The following MYH7 variants were observed in gnomAD, a reference collection of about 807,000 sequenced individuals.
MYH7 encodes the protein myosin heavy chain 7.
Under a neutral mutation model 225.4 loss-of-function variants are expected in MYH7, and 129 were observed. The observed-to-expected ratio is 0.57, with a 90% CI of 0.50 to 0.66. The LOEUF (loss-of-function observed/expected upper bound fraction) is 0.66. MYH7 is among the 30% of genes least tolerant of loss of function. The pLI is 0.00. For synonymous variants in MYH7, 971 were observed against 1,007.6 expected (o/e 0.96, Z 0.69); for missense variants, 1,649 against 2,517.0 (o/e 0.66, Z 7.38).
chr14:23,431,574 G>C lies in MYH7; in HGVS notation c.732+11C>G. ...GTCCAAGTCCCAAGGCCAAGGTCAG[G>C]GACCACTCACGAAGCGGGAGGAGTT... is the stretch of plus-strand genomic sequence containing the variant. On this transcript the variant is annotated intron_variant, in intron 8 of 39. Coordinates refer to ENST00000355349, the MANE Select transcript of MYH7 (RefSeq NM_000257.4). 1 of 1,614,252 alleles carries C rather than the reference G, an allele frequency of 6.2e-7. No homozygotes were observed. The highest frequency in any genetic ancestry group is 8.5e-7 in the Non-Finnish European group (1 of 1,180,034).
In MYH7 at chr14:23,426,079, C is replaced by A; in HGVS notation, c.2047G>T (p.Val683Leu). The change falls in exon 19 of 40, where the codon GTG becomes TTG. Residue 683 changes from valine (V) to leucine (L), a missense_variant and splice_region_variant. Around this residue, in one of 12 missense-constraint regions of MYH7, gnomAD observed 112 missense variants for 161.9 expected, o/e 0.69. Transcript: ENST00000355349. ...TGCATGACCAGGGGGTTGTCCATCA[C>A]CCCTGTGGCAAGAAGGAAGTAGGAG... ...IIPNETKSPG[V>L]MDNPLVMHQL... 2 of 1,614,172 alleles carry A rather than the reference C, an allele frequency of 1.2e-6. No individual in the cohort carries two copies. The highest frequency in any genetic ancestry group is 2.2e-5 in the East Asian group (1 of 44,892).
chr14:23,431,644 G>A lies in MYH7; in HGVS notation c.673C>T (p.Pro225Ser). ...TLEDQIIQANPALEAFGNAKT... is the reference protein window; with the variant it reads ...TLEDQIIQANSALEAFGNAKT... ...GCATTGCCAAAGGCCTCCAGAGCAG[G>A]GTTGGCCTGGATGATCTGGTCCTCC... Residue 225 changes from proline to serine, a missense_variant, in exon 8 of 40, where the codon CCT (proline) becomes TCT (serine). Pro to Ser is a moderately conservative substitution (Grantham distance 74). Around this residue, in one of 12 missense-constraint regions of MYH7, gnomAD observed 131 missense variants for 231.3 expected, o/e 0.57. Transcript: ENST00000355349. 6.2e-7 allele frequency: 1 copy of A among 1,614,262 alleles called. No homozygotes were observed. Among genetic ancestry groups the A allele is most frequent in the Non-Finnish European group, 8.5e-7 (1 of 1,180,052 alleles).
At position 23,425,023 on chromosome 14, in the gene MYH7, C is replaced by A. The variant is rs397516147; in HGVS notation, c.2425G>T (p.Asp809Tyr). 28 of 1,614,198 alleles carry A rather than the reference C, an allele frequency of 1.7e-5. 1 individual carries two copies. The South Asian group carries it at 3.1e-4, about 18-fold the overall frequency. ...MEYKKLLERR[D>Y]SLLVIQWNIR... ...TTCCACTGGATTACCAGCAGGGAGTCTCTGCAGGGGCCCATTGAAAGGAGT... is the reference window on the plus strand; with the variant it reads ...TTCCACTGGATTACCAGCAGGGAGTATCTGCAGGGGCCCATTGAAAGGAGT... Residue 809 changes from aspartate to tyrosine, a missense_variant and splice_region_variant, in exon 22 of 40, where the codon GAC becomes TAC. Physicochemically the swap from Asp to Tyr is radical, Grantham distance 160 (BLOSUM62 -3). Coordinates refer to ENST00000355349, the MANE Select transcript of MYH7 (RefSeq NM_000257.4). The surrounding 1 kb of genome is among the most constrained non-coding windows in gnomAD (Gnocchi z 4.6).
In MYH7 at chr14:23,425,654, A is replaced by AAG; in HGVS notation, c.2286+39_2286+40dup. 6.2e-7 allele frequency: 1 copy of AAG among 1,613,774 alleles called. No individual in the cohort carries two copies. The highest frequency in any genetic ancestry group is 8.5e-7 in the Non-Finnish European group (1 of 1,179,762). ...AAAAGCATCAGAGGAGTCAATGGAA[A>AAG]AGAGATGTCTTCCTTTAATTAATTA... On this transcript the variant is annotated intron_variant, in intron 20 of 39. Transcript: ENST00000355349. This position sits in a 1 kb window ranked among gnomAD's most constrained non-coding sequence, Gnocchi z 4.6.
intron 17 of MYH7, 133 bp from the exon 18 acceptor site, chr14:23,426,997 G>A: frequency 2.2e-6 from 2 of 894,876 alleles, no homozygotes; most frequent in South Asian, 1.4e-5. Flanking sequence ...GGGCCCTGGG[G>A]GCAGACAGGG....
intron 24 of MYH7, 107 bp from the exon 25 acceptor site, chr14:23,422,432 G>A (rs1200821858): frequency 3.2e-5 from 48 of 1,522,276 alleles, no homozygotes; most frequent in Non-Finnish European, 3.9e-5. Context: ...CAGGACTTGG[G>A]AAACCTTCCC....
At chr14:23,423,829 GGCTA>G in intron 23 of MYH7, 74 bp downstream of exon 23, 1 of 1,613,448 alleles carries the variant, frequency 6.2e-7, no homozygotes, top group South Asian at 1.1e-5. Flanking sequence ...GATGCCGAGT[GGCTA>G]GCCTGGGTCA....
Position 23,430,393 on chromosome 14 carries a change from C to T in MYH7, c.999+167G>A, listed in dbSNP as rs1054886979. ...CCAGATACTGGCCAGTCCTGTCTCA[C>T]CTCATCCATTCCCCAGTACACCCTG... On this transcript the variant is annotated intron_variant, in intron 11 of 39. Transcript: ENST00000355349. 7.2e-5 allele frequency among the ~76,000 whole-genome samples: 11 copies of T among 152,280 alleles called. No homozygotes were observed. In the South Asian group the frequency reaches 1.0e-3, roughly 14 times the overall value.
intron 39 of MYH7, among the ~76,000 whole-genome samples, chr14:23,413,209 G>T (rs908164041): frequency 1.3e-5 from 2 of 152,190 alleles, no homozygotes; most frequent in African/African-American, 4.8e-5. Flanking sequence ...GGGAAACTGG[G>T]ATATACTGGT....
At chr14:23,418,665 C>T (rs1052654415) in intron 29 of MYH7, among the ~76,000 whole-genome samples, 3 of 152,192 alleles carry the variant, frequency 2.0e-5, no homozygotes, top group Non-Finnish European at 4.4e-5. Context: ...CGCCATTTTA[C>T]CTGGCTGGGG....
Position 23,424,105 on chromosome 14 carries a change from C to G in MYH7, c.2724G>C (p.Leu908=), listed in dbSNP as rs1335308512. Residue 908 remains leucine (L), a synonymous_variant, in exon 23 of 40, where the codon CTG becomes CTC. Coordinates refer to ENST00000355349, the MANE Select transcript of MYH7 (RefSeq NM_000257.4). ...LADAEERCDQ[L]IKNKIQLEAK... ...CCTCCAGCTGAATCTTGTTTTTGAT[C>G]AGCTGATCACAGCGCTCCTCAGCAT... 6.2e-7 allele frequency: 1 copy of G among 1,614,216 alleles called. No homozygotes were observed.
At chr14:23,426,389 T>A (rs1892694255) in intron 18 of MYH7, among the ~76,000 whole-genome samples, 2 of 152,164 alleles carry the variant, frequency 1.3e-5, no homozygotes, top group Non-Finnish European at 2.9e-5. Flanking sequence ...CAGAGCCAGG[T>A]CTTGAACCCA....
At chr14:23,416,828 G>A in intron 33 of MYH7, 40 bp downstream of exon 33, 1 of 1,613,534 alleles carries the variant, frequency 6.2e-7, no homozygotes, top group Non-Finnish European at 8.5e-7. Flanking sequence ...AAAGCCTGGA[G>A]CTCAGCTCCC....
Position 23,426,841 on chromosome 14 carries a change from G to T in MYH7, c.1980C>A (p.Thr660=). The T allele has an allele frequency of 6.2e-7, 1 of 1,614,024 alleles. No individual in the cohort carries two copies. The highest frequency in any genetic ancestry group is 8.5e-7 in the Non-Finnish European group (1 of 1,180,012). Residue 660 remains threonine, a synonymous_variant, in exon 18 of 40, where the codon ACC becomes ACA. Transcript: ENST00000355349. The stretch of plus-strand genomic sequence containing the variant: ...AGTGGGGATGGGTGGAGCGCAAGTT[G>T]GTCATCAGCTTGTTCAGATTTTCCT... ...LHRENLNKLM[T]NLRSTHPHFV... is the part of the protein sequence containing the mutation.
At chr14:23,422,627 TCCTC>T (rs1356428474) in intron 24 of MYH7, among the ~76,000 whole-genome samples, 2 of 146,088 alleles carry the variant, frequency 1.4e-5, no homozygotes, top group Non-Finnish European at 1.5e-5. Context: ...CTTCCTTCCT[TCCTC>T]CTTTTTTTTT....
At chr14:23,434,457 G>A (rs926645421) in intron 1 of MYH7, among the ~76,000 whole-genome samples, 1 of 152,148 alleles carries the variant, frequency 6.6e-6, no homozygotes, top group African/African-American at 2.4e-5. Context: ...GCTTCCTGGT[G>A]TCAACTCAAC....
At position 23,415,054 on chromosome 14, in the gene MYH7, C is replaced by A. The variant is rs143362532; in HGVS notation, c.5500G>T (p.Ala1834Ser). ...TTCCTCATGCCCTTCACCGACTCTGCGTTGCGCTTCTGCTCGGCCTCCAGC... is the reference window on the plus strand; with the variant it reads ...TTCCTCATGCCCTTCACCGACTCTGAGTTGCGCTTCTGCTCGGCCTCCAGC... ...NELEAEQKRN[A>S]ESVKGMRKSE... The change falls in exon 37 of 40, where the codon GCA (alanine) becomes TCA (serine). Residue 1834 changes from alanine to serine, a missense_variant. By Grantham distance (99) the Ala-to-Ser change is moderately conservative. Coordinates refer to ENST00000355349, the MANE Select transcript of MYH7 (RefSeq NM_000257.4). The surrounding 1 kb of genome is among the most constrained non-coding windows in gnomAD (Gnocchi z 6.3). 4.3e-6 allele frequency: 7 copies of A among 1,612,802 alleles called. No homozygotes were observed. Among genetic ancestry groups the A allele is most frequent in the Non-Finnish European group, 8.5e-7 (1 of 1,180,018 alleles).
intron 16 of MYH7, 76 bp downstream of exon 16, chr14:23,427,509 G>T: frequency 1.9e-6 from 3 of 1,557,696 alleles, no homozygotes; most frequent in African/African-American, 1.4e-5. Flanking sequence ...AAGTGGTGGG[G>T]TGTAGCAATT....
In MYH7 at chr14:23,431,666, C is replaced by T. The variant is rs746214526; in HGVS notation, c.651G>A (p.Glu217=). 4.3e-6 allele frequency: 7 copies of T among 1,614,246 alleles called. No individual in the cohort carries two copies. In the East Asian group the frequency reaches 1.3e-4, roughly 31 times the overall value. ...KDQSPGKGTL[E]DQIIQANPAL... ...CAGGGTTGGCCTGGATGATCTGGTC[C>T]TCCAGGGTGCCCTGCAGAGGCCAAG... Residue 217 remains glutamate, a synonymous_variant, in exon 8 of 40, where the codon GAG becomes GAA. Coordinates refer to ENST00000355349, the MANE Select transcript of MYH7 (RefSeq NM_000257.4).
Sources: gnomAD v4.1 joint callset for allele counts (sites outside exome capture counted in the v4.1 genomes callset) on GRCh38, gnomAD v4.1.1 for gene constraint, gnomAD v4.1.1 regional missense constraint, Gnocchi (gnomAD v3.1) non-coding constraint, MANE v1.5 for transcripts, NCBI Gene and HGNC (gene_info 2026-07-23, HGNC 2026-07-21) for gene names.